AFF3: variants seen among roughly 807,000 people sequenced by gnomAD.
The protein encoded by AFF3 is ALF transcription elongation factor 3, also known as AF4/FMR2 family member 3.
In AFF3, 32 loss-of-function variants were observed where a neutral mutation model predicts 129.7. That is an observed-to-expected ratio of 0.25 (90% confidence interval 0.19 to 0.33). The LOEUF is 0.33. Ranked by LOEUF, AFF3 falls within the 10% of genes least tolerant of loss-of-function variation. The probability of loss-of-function intolerance (pLI) is 1.00; values close to 1 mark genes in which losing one functional copy is unlikely to be tolerated. For synonymous variants in AFF3, 644 were observed against 635.4 expected, an observed-to-expected ratio of 1.01 and a Z score of -0.20; for missense variants, 1,373 against 1,592.0, an observed-to-expected ratio of 0.86 and a Z score of 2.34.
At chr2:99,848,937 A>C (rs920494016) in intron 7 of AFF3, among the ~76,000 whole-genome samples, 1 of 152,172 alleles carries the variant, frequency 6.6e-6, no homozygotes, top group African/African-American at 2.4e-5. Flanking sequence ...ACCTAGCAGT[A>C]GTAAAGGAGT....
chr2:99,589,867 C>T (rs1678496426), intron 15 of AFF3, among the ~76,000 whole-genome samples: 1 of 152,164 alleles, frequency 6.6e-6, no homozygotes, highest in South Asian at 2.1e-4. Flanking sequence ...TGTTATAAAG[C>T]CCTCAAATAG....
At chr2:99,898,330 C>G (rs1325002182) in intron 7 of AFF3, among the ~76,000 whole-genome samples, 4 of 152,226 alleles carry the variant, frequency 2.6e-5, no homozygotes, top group African/African-American at 9.6e-5. Flanking sequence ...TTTACCATCA[C>G]TCAAGTCATA....
At chr2:99,946,966 T>C (rs1013318391) in intron 7 of AFF3, among the ~76,000 whole-genome samples, 3 of 152,208 alleles carry the variant, frequency 2.0e-5, no homozygotes, top group South Asian at 2.1e-4. Context: ...GTGTCACTTA[T>C]GGGCTTCTAC....
At chr2:100,076,367 C>T (rs1044298773) in intron 4 of AFF3, among the ~76,000 whole-genome samples, 3 of 152,152 alleles carry the variant, frequency 2.0e-5, no homozygotes, top group African/African-American at 7.2e-5. Context: ...AATTTCTTCC[C>T]CACAGAGGAT....
At chr2:100,008,398 C>A (rs566936996) in intron 5 of AFF3, among the ~76,000 whole-genome samples, 1 of 152,160 alleles carries the variant, frequency 6.6e-6, no homozygotes, top group Non-Finnish European at 1.5e-5. Context: ...TTCTCATTAG[C>A]CCTAACAGGT....
At chr2:99,869,897 T>TAA (rs1691739982) in intron 7 of AFF3, among the ~76,000 whole-genome samples, 2 of 152,166 alleles carry the variant, frequency 1.3e-5, no homozygotes, top group African/African-American at 4.8e-5. Flanking sequence ...TAGGAAAATT[T>TAA]TATGTTCAGT....
intron 7 of AFF3, among the ~76,000 whole-genome samples, chr2:99,856,861 G>C (rs1040714855): frequency 5.9e-5 from 9 of 152,070 alleles, no homozygotes; most frequent in Middle Eastern, 6.8e-3. Flanking sequence ...AGACAGTTTG[G>C]AAGAAAGGAT....
At chr2:99,805,154 CAA>C (rs758590251) in intron 8 of AFF3, among the ~76,000 whole-genome samples, 1 of 152,070 alleles carries the variant, frequency 6.6e-6, no homozygotes, top group South Asian at 2.1e-4. Flanking sequence ...ATGACTAGTA[CAA>C]AAGTCATCAC....
chr2:99,771,123 C>A (rs1683441387), intron 8 of AFF3, among the ~76,000 whole-genome samples: 1 of 152,146 alleles, frequency 6.6e-6, no homozygotes, highest in Non-Finnish European at 1.5e-5. Flanking sequence ...ATGGATGGAA[C>A]TGGAAGCTGT....
chr2:99,623,105 G>A (rs1013376956), intron 13 of AFF3, among the ~76,000 whole-genome samples: 44 of 151,722 alleles, frequency 2.9e-4, no homozygotes, highest in Non-Finnish European at 2.4e-4. Flanking sequence ...ACTCCAAGGA[G>A]CAAAATGCAT....
intron 7 of AFF3, among the ~76,000 whole-genome samples, chr2:99,937,912 CAG>C (rs1318682741): frequency 6.6e-6 from 1 of 152,114 alleles, no homozygotes; most frequent in African/African-American, 2.4e-5. Context: ...GATGTATTTC[CAG>C]AGTCACCTAT....
chr2:99,965,175 T>C (rs946620586), intron 7 of AFF3, among the ~76,000 whole-genome samples: 4 of 152,198 alleles, frequency 2.6e-5, no homozygotes, highest in African/African-American at 4.8e-5. Flanking sequence ...ATGATCACTA[T>C]GATTGTTAGA....
At chr2:99,951,732 G>A (rs770021268) in intron 7 of AFF3, among the ~76,000 whole-genome samples, 12 of 152,216 alleles carry the variant, frequency 7.9e-5, no homozygotes, top group East Asian at 1.9e-4. Flanking sequence ...TGCAACCTCC[G>A]CCTCCCAGGT....
chr2:99,857,771 T>C (rs1219785678), intron 7 of AFF3, among the ~76,000 whole-genome samples: 1 of 152,214 alleles, frequency 6.6e-6, no homozygotes, highest in African/African-American at 2.4e-5. Flanking sequence ...TGTGTCTCCA[T>C]TGTCACATTT....
intron 7 of AFF3, among the ~76,000 whole-genome samples, chr2:99,965,823 A>T (rs1156363091): frequency 3.9e-5 from 6 of 152,198 alleles, no homozygotes; most frequent in Admixed American, 3.3e-4. Context: ...GATGACGGAC[A>T]TTCTTTCTGT....
At chr2:100,009,764 A>G (rs962911034) in intron 4 of AFF3, among the ~76,000 whole-genome samples, 35 of 152,202 alleles carry the variant, frequency 2.3e-4, no homozygotes, top group African/African-American at 8.4e-4. Flanking sequence ...TCAACTAGTG[A>G]TGAGGAAGTG....
intron 2 of AFF3, among the ~76,000 whole-genome samples, chr2:100,126,823 T>A (rs143756866): frequency 1.7e-3 from 264 of 152,376 alleles, no homozygotes; most frequent in African/African-American, 5.9e-3. Flanking sequence ...TTCTCATTTC[T>A]GTTTCCAATA....
chr2:99,702,708 T>G lies in AFF3; in HGVS notation c.1091+24369A>C, dbSNP rs150675307. Reference sequence around the variant, plus strand: ...ATGTGCTTATTTGCCATCTGTATATTCACTTCAATGAAATGTCTGTGTATG... The same window carrying G: ...ATGTGCTTATTTGCCATCTGTATATGCACTTCAATGAAATGTCTGTGTATG... On this transcript the variant is annotated intron_variant, in intron 11 of 24. Transcript: ENST00000672756. Among the ~76,000 whole-genome samples the G allele has an allele frequency of 7.0e-3, 1,067 of 152,356 alleles. 11 individuals carry two copies. The highest frequency in any genetic ancestry group is 0.012 in the South Asian group (56 of 4,828).
At chr2:99,694,162 T>C (rs1675952517) in intron 11 of AFF3, among the ~76,000 whole-genome samples, 1 of 151,650 alleles carries the variant, frequency 6.6e-6, no homozygotes, top group African/African-American at 2.4e-5. Flanking sequence ...CCTCCCAAAG[T>C]ACTGGAATTA....
Sources: gnomAD v4.1 joint callset for allele counts (sites outside exome capture counted in the v4.1 genomes callset) on GRCh38, gnomAD v4.1.1 for gene constraint, MANE v1.5 for transcripts, NCBI Gene and HGNC (gene_info 2026-07-23, HGNC 2026-07-21) for gene names.